The following RPL3L variants were observed in gnomAD, a reference collection of about 807,000 sequenced individuals.
RPL3L encodes the protein ribosomal protein L3 like, also known as ribosomal protein uL3-like.
In RPL3L, 44 loss-of-function variants were observed where a neutral mutation model predicts 44.5. The ratio of observed to expected loss-of-function variants is 0.99; its 90% CI spans 0.78 to 1.27. The LOEUF is 1.27. Ranked by LOEUF, RPL3L falls within the 50% of genes most tolerant of loss-of-function variation. The probability of loss-of-function intolerance (pLI) is 0.00; values close to 1 mark genes in which losing one functional copy is unlikely to be tolerated. For synonymous variants in RPL3L, 292 were observed against 230.7 expected (o/e 1.27, Z -2.41); for missense variants, 631 against 569.1 (o/e 1.11, Z -1.11).
At chr16:1,952,822 A>C in intron 3 of RPL3L, 52 bp downstream of exon 3, 1 of 1,601,354 alleles carries the variant, frequency 6.2e-7, no homozygotes, top group Admixed American at 1.7e-5. Flanking sequence ...CAGGCACCCA[A>C]CTTCTGTGGT....
In RPL3L at chr16:1,946,964, G is replaced by C. The variant is rs758978773; in HGVS notation, c.823C>G (p.His275Asp). The change falls in exon 6 of 10, where the codon CAC becomes GAC. Residue 275 changes from histidine (H) to aspartate (D), a missense_variant. By Grantham distance (81) the His-to-Asp change is moderately conservative. Transcript: ENST00000268661. Reference protein sequence around the residue: ...SIARAGQKGYHHRTELNKKIF... With the variant: ...SIARAGQKGYDHRTELNKKIF... ...TTCTTGTTGAGCTCCGTGCGGTGGTGATAGCCCTTCTGCCCGGCCCGAGCA... is the reference window on the plus strand; with the variant it reads ...TTCTTGTTGAGCTCCGTGCGGTGGTCATAGCCCTTCTGCCCGGCCCGAGCA... 4 of 1,608,924 alleles carry C rather than the reference G, an allele frequency of 2.5e-6. No homozygotes were observed. In the South Asian group the frequency reaches 3.3e-5, roughly 13 times the overall value.
chr16:1,954,260 G>A, intron 1 of RPL3L, 112 bp from the exon 2 acceptor site: 1 of 1,179,828 alleles, frequency 8.5e-7, no homozygotes, highest in Non-Finnish European at 1.2e-6. Context: ...ACTGAGGCCT[G>A]TGCTCAGCAC....
chr16:1,950,778 C>G lies in RPL3L; in HGVS notation c.501+66G>C. ...TTTTAGGCTGACATTTGCCACAGCT[C>G]CTGGAAGCTGGGGTGAGGGAGCGTG... On this transcript the variant is annotated intron_variant, in intron 4 of 9. Transcript: ENST00000268661. 1.9e-6 allele frequency: 3 copies of G among 1,609,882 alleles called. No individual in the cohort carries two copies. The South Asian group carries it at 3.3e-5, about 18-fold the overall frequency.
intron 9 of RPL3L, 138 bp downstream of exon 9, chr16:1,945,361 T>A (rs2531333): frequency 0.23 from 156,381 of 690,512 alleles, 20,246 homozygotes; most frequent in African/African-American, 0.48. Context: ...TCTCAAAAAA[T>A]AAAATAAATA....
rs2083193695 is a variant in RPL3L at position 1,954,508 on chromosome 16, C to T, written c.3+121G>A. 5.2e-6 allele frequency: 6 copies of T among 1,155,162 alleles called. No homozygotes were observed. In the East Asian group the frequency reaches 1.2e-4, roughly 23 times the overall value. 71.6% of individuals were successfully genotyped at this position (1,155,162 alleles called of 1,614,324 possible). A position where few individuals can be genotyped will look rare whatever the true frequency, so the allele number is the denominator to read the frequency against. ...TCGTCCCCTTGTTTCCCCCTCCAGC[C>T]TCCCATCCCCTCACAGGCTGGGAGA... On this transcript the variant is annotated intron_variant, in intron 1 of 9. Coordinates refer to ENST00000268661, the MANE Select transcript of RPL3L (RefSeq NM_005061.3).
In RPL3L at chr16:1,954,112, G is replaced by A. The variant is rs766346858; in HGVS notation, c.40C>T (p.Leu14=). Residue 14 remains leucine, a synonymous_variant, in exon 2 of 10, where the codon CTG becomes TTG. Transcript: ENST00000268661. The stretch of plus-strand genomic sequence containing the variant: ...CTCCTCTTATGGGGCAGGAAGCCCA[G>A]GTGTCCGTGCCGAGGGGCGGAAAAC... ...RKFSAPRHGH[L]GFLPHKRSHR... 4 of 1,600,616 alleles carry A rather than the reference G, an allele frequency of 2.5e-6. No individual in the cohort carries two copies. The highest frequency in any genetic ancestry group is 1.7e-5 in the Admixed American group (1 of 57,760).
chr16:1,953,926 C>A (rs779010937), intron 2 of RPL3L, 30 bp downstream of exon 2: 138 of 1,472,680 alleles, frequency 9.4e-5, no homozygotes, highest in Non-Finnish European at 1.2e-4. Flanking sequence ...CAGCCCTCCC[C>A]CTCCCCCAAG....
rs58248501 is a variant in RPL3L at position 1,949,259 on chromosome 16, CTT to C, written c.501+1583_501+1584del. ...CCTGATTTTTGTTTTTTTTTTTTTT[CTT>C]TTTTTTTTTTTTTTTTTTTTGAGAC... On this transcript the variant is annotated intron_variant, in intron 4 of 9. Transcript: ENST00000268661. Among the ~76,000 whole-genome samples the C allele has an allele frequency of 6.6e-5, 5 of 75,258 alleles. No homozygotes were observed. The South Asian group carries it at 2.7e-3, about 41-fold the overall frequency. 49.4% of individuals were successfully genotyped at this position (75,258 alleles called of 152,430 possible). A position where few individuals can be genotyped will look rare whatever the true frequency, so the allele number is the denominator to read the frequency against.
chr16:1,949,264 T>TTTTTTTTTTTTTTTTTTTTTTCTTTTTC (rs2083151427), intron 4 of RPL3L, among the ~76,000 whole-genome samples: 1 of 117,628 alleles, frequency 8.5e-6, no homozygotes, highest in Non-Finnish European at 1.7e-5. Context: ...TTTTTCTTTT[T>TTTTTTTTTTTTTTTTTTTTTTCTTTTTC]TTTTTTTTTT....
rs2083183897 is a variant in RPL3L, at chr16:1,953,193, C to A, written c.197-151G>T. ...GAGGGTGGGGCTGAGCCCAAATGAG[C>A]ATTTGTTATTCTAATGATTACAATG... On this transcript the variant is annotated intron_variant, in intron 2 of 9. Transcript: ENST00000268661. The A allele has an allele frequency of 4.2e-6, 3 of 717,548 alleles. No homozygotes were observed. The East Asian group carries it at 8.9e-5, about 21-fold the overall frequency. 44.4% of individuals were successfully genotyped at this position (717,548 alleles called of 1,614,324 possible).
chr16:1,947,154 G>A, intron 5 of RPL3L, 40 bp downstream of exon 5: 3 of 1,612,980 alleles, frequency 1.9e-6, no homozygotes, highest in Non-Finnish European at 2.5e-6. Context: ...ACTGCCTCCA[G>A]GCAGCCTGCC....
At chr16:1,954,296 A>T in intron 1 of RPL3L, 148 bp from the exon 2 acceptor site, 1 of 936,516 alleles carries the variant, frequency 1.1e-6, no homozygotes, top group South Asian at 2.0e-5. Context: ...ACAGGAGGGG[A>T]GAGGAAGGTT....
At position 1,950,978 on chromosome 16, in the gene RPL3L, G is replaced by A. The variant is rs1389366475; in HGVS notation, c.367C>T (p.His123Tyr). 1 of 1,613,640 alleles carries A rather than the reference G, an allele frequency of 6.2e-7. No individual in the cohort carries two copies. The highest frequency in any genetic ancestry group is 1.1e-5 in the South Asian group (1 of 91,088). Residue 123 changes from histidine to tyrosine, a missense_variant and splice_region_variant, in exon 4 of 10, where the codon CAC becomes TAC. Physicochemically the swap from His to Tyr is moderately conservative, Grantham distance 83 (BLOSUM62 2). Coordinates refer to ENST00000268661, the MANE Select transcript of RPL3L (RefSeq NM_005061.3). ...GTGAAGGCTTTCTTCTTGCTCTTGTGCCTGAGCCATGCACAGGAGGGTGCT... is the reference window on the plus strand; with the variant it reads ...GTGAAGGCTTTCTTCTTGCTCTTGTACCTGAGCCATGCACAGGAGGGTGCT... ...ECRRRFYKDW[H>Y]KSKKKAFTKA...
intron 3 of RPL3L, among the ~76,000 whole-genome samples, chr16:1,951,246 A>C (rs1299020250): frequency 6.6e-6 from 1 of 152,210 alleles, no homozygotes; most frequent in African/African-American, 2.4e-5. Flanking sequence ...GCAGAAGCTC[A>C]GAGAAGGCGG....
Position 1,944,528 on chromosome 16 carries a change from A to G in RPL3L, c.*309T>C, listed in dbSNP as rs1238763861. On this transcript the variant is annotated 3_prime_UTR_variant, in exon 10 of 10. Transcript: ENST00000268661. ...CGGCACTCCAGCAGCCTGGGCGACA[A>G]GATCAAGACTCTCTCAAAAAAAAAA... 2 of 239,208 alleles carry G rather than the reference A, an allele frequency of 8.4e-6. No homozygotes were observed. The highest frequency in any genetic ancestry group is 8.1e-5 in the South Asian group (1 of 12,316). 14.8% of individuals were successfully genotyped at this position (239,208 alleles called of 1,614,324 possible).
intron 3 of RPL3L, 93 bp downstream of exon 3, chr16:1,952,781 A>G: frequency 6.9e-7 from 1 of 1,455,626 alleles, no homozygotes; most frequent in Non-Finnish European, 9.4e-7. Context: ...CTACTCACCC[A>G]CACCTATCAT....
chr16:1,944,380 A>G lies in RPL3L; in HGVS notation c.*457T>C, dbSNP rs111684488. ...TGGCTCATCTGATCTTGTGGCCACCACCCAGGAGCTGACTCAGCGCAAGAA... is the reference window on the plus strand; with the variant it reads ...TGGCTCATCTGATCTTGTGGCCACCGCCCAGGAGCTGACTCAGCGCAAGAA... On this transcript the variant is annotated 3_prime_UTR_variant, in exon 10 of 10. Coordinates refer to ENST00000268661, the MANE Select transcript of RPL3L (RefSeq NM_005061.3). The G allele has an allele frequency of 7.2e-3, 1,140 of 158,984 alleles. 8 individuals are homozygous for G. The highest frequency in any genetic ancestry group is 0.011 in the Non-Finnish European group (800 of 71,590). 9.8% of individuals were successfully genotyped at this position (158,984 alleles called of 1,614,324 possible).
rs373185822 is a variant in RPL3L, at chr16:1,946,872, C to A, written c.849+66G>T. 23 of 1,563,042 alleles carry A rather than the reference C, an allele frequency of 1.5e-5. 1 individual carries two copies. In the African/African-American group the frequency reaches 1.8e-4, roughly 12 times the overall value. ...GTGTCTGGGTCATGCACCCCACCCACTGAGGCCAGTACTGAGGGCTGGGGT... is the reference window on the plus strand; with the variant it reads ...GTGTCTGGGTCATGCACCCCACCCAATGAGGCCAGTACTGAGGGCTGGGGT... On this transcript the variant is annotated intron_variant, in intron 6 of 9. Coordinates refer to ENST00000268661, the MANE Select transcript of RPL3L (RefSeq NM_005061.3).
In RPL3L at chr16:1,944,861, C is replaced by T; in HGVS notation, c.1200G>A (p.Thr400=). The T allele has an allele frequency of 1.2e-6, 2 of 1,614,044 alleles. No individual in the cohort carries two copies. The highest frequency in any genetic ancestry group is 1.1e-5 in the South Asian group (1 of 91,084). Residue 400 remains threonine (T), a synonymous_variant, in exon 10 of 10, where the codon ACG becomes ACA. Coordinates refer to ENST00000268661, the MANE Select transcript of RPL3L (RefSeq NM_005061.3). ...CCTACAAGTCTCCCGAGGTCTCCGGCGTTTCCTTCTCCAGATGCTTCTTTT... is the reference window on the plus strand; with the variant it reads ...CCTACAAGTCTCCCGAGGTCTCCGGTGTTTCCTTCTCCAGATGCTTCTTTT... The part of the protein sequence containing the change: ...GPQKKHLEKE[T]PETSGDL
Sources: gnomAD v4.1 joint callset for allele counts (sites outside exome capture counted in the v4.1 genomes callset) on GRCh38, gnomAD v4.1.1 for gene constraint, MANE v1.5 for transcripts, NCBI Gene and HGNC (gene_info 2026-07-23, HGNC 2026-07-21) for gene names.